Variants in CNTNAP2 observed in about 807,000 individuals in gnomAD.
The protein encoded by CNTNAP2 is contactin associated protein 2, also known as contactin-associated protein-like 2.
CNTNAP2 carries 98 observed loss-of-function variants against 155.2 expected under a neutral mutation model. The ratio of observed to expected loss-of-function variants is 0.63; its 90% CI spans 0.54 to 0.75. The LOEUF (loss-of-function observed/expected upper bound fraction) is 0.75. CNTNAP2 is among the 30% of genes least tolerant of loss of function. The pLI is 0.00. For synonymous variants in CNTNAP2, 651 were observed against 631.2 expected, an observed-to-expected ratio of 1.03 and a Z score of -0.47; for missense variants, 1,727 against 1,688.1, an observed-to-expected ratio of 1.02 and a Z score of -0.40.
intron 20 of CNTNAP2, among the ~76,000 whole-genome samples, chr7:148,256,384 A>G (rs945654274): frequency 1.3e-5 from 2 of 152,068 alleles, no homozygotes; most frequent in African/African-American, 4.8e-5. Flanking sequence ...CAACCTCCTC[A>G]CTTTACAAAT....
intron 18 of CNTNAP2, among the ~76,000 whole-genome samples, chr7:148,194,188 G>A (rs555056135): frequency 6.6e-6 from 1 of 151,140 alleles, no homozygotes; most frequent in South Asian, 2.1e-4. Flanking sequence ...TGTAGAGACG[G>A]GGTTTCACCA....
chr7:147,922,682 T>G (rs1027227521), intron 14 of CNTNAP2, among the ~76,000 whole-genome samples: 6 of 152,180 alleles, frequency 3.9e-5, no homozygotes, highest in Non-Finnish European at 8.8e-5. Context: ...CTCATAACGT[T>G]TCTTGTGGCT....
At chr7:147,548,021 G>C (rs1003389938) in intron 11 of CNTNAP2, among the ~76,000 whole-genome samples, 2 of 152,120 alleles carry the variant, frequency 1.3e-5, no homozygotes, top group Admixed American at 6.5e-5. Context: ...TGGGCATTTT[G>C]GTTGGTTCTA....
intron 1 of CNTNAP2, among the ~76,000 whole-genome samples, chr7:146,449,709 A>G (rs960548891): frequency 7.2e-5 from 11 of 152,166 alleles, no homozygotes; most frequent in Non-Finnish European, 1.3e-4. Context: ...ATGGCACCTT[A>G]GACAGAATTT....
intron 23 of CNTNAP2, among the ~76,000 whole-genome samples, chr7:148,412,626 G>A (rs35503305): frequency 4.8e-4 from 73 of 152,262 alleles, no homozygotes; most frequent in Non-Finnish European, 8.5e-4. Flanking sequence ...TGTCTACCTA[G>A]ACAAGCATTT....
chr7:147,288,316 TTG>T (rs761436166), intron 8 of CNTNAP2, among the ~76,000 whole-genome samples: 1 of 152,188 alleles, frequency 6.6e-6, no homozygotes, highest in Non-Finnish European at 1.5e-5. Flanking sequence ...GGCAGGGGCC[TTG>T]TGTGTCTTCT....
intron 10 of CNTNAP2, among the ~76,000 whole-genome samples, chr7:147,433,709 TGA>T (rs1172128130): frequency 2.0e-5 from 3 of 152,188 alleles, no homozygotes; most frequent in Non-Finnish European, 4.4e-5. Context: ...TACAAAAAAA[TGA>T]GTGCCTGTGG....
At chr7:147,937,820 A>C (rs1800640709) in intron 14 of CNTNAP2, among the ~76,000 whole-genome samples, 1 of 152,232 alleles carries the variant, frequency 6.6e-6, no homozygotes, top group South Asian at 2.1e-4. Context: ...TATTTCAGAA[A>C]TAATCATATA....
At chr7:147,528,875 T>C (rs1035918605) in intron 11 of CNTNAP2, among the ~76,000 whole-genome samples, 1 of 125,872 alleles carries the variant, frequency 7.9e-6, no homozygotes, top group Non-Finnish European at 1.9e-5. Flanking sequence ...TCTTTTGTGA[T>C]TTTTTAAAAT....
intron 12 of CNTNAP2, among the ~76,000 whole-genome samples, chr7:147,586,292 A>C (rs145024295): frequency 6.6e-6 from 1 of 151,826 alleles, no homozygotes; most frequent in East Asian, 1.9e-4. Context: ...CCATTCTATC[A>C]GTCTTAAGGT....
intron 12 of CNTNAP2, among the ~76,000 whole-genome samples, chr7:147,576,227 T>G (rs1416249246): frequency 6.6e-6 from 1 of 152,128 alleles, no homozygotes; most frequent in African/African-American, 2.4e-5. Context: ...GCACTACTAC[T>G]GCTGTGAATA....
At chr7:146,401,787 A>G (rs1795717882) in intron 1 of CNTNAP2, among the ~76,000 whole-genome samples, 1 of 152,184 alleles carries the variant, frequency 6.6e-6, no homozygotes, top group Admixed American at 6.5e-5. Context: ...AAAGCAATCT[A>G]GACAAAACAG....
At chr7:146,705,042 T>C (rs1800939688) in intron 1 of CNTNAP2, among the ~76,000 whole-genome samples, 2 of 152,172 alleles carry the variant, frequency 1.3e-5, no homozygotes, top group South Asian at 4.1e-4. Flanking sequence ...TAAAAGGATT[T>C]GACTACCTGT....
chr7:148,040,615 T>C (rs139938362), intron 15 of CNTNAP2, among the ~76,000 whole-genome samples: 3 of 152,262 alleles, frequency 2.0e-5, no homozygotes. Flanking sequence ...TAGGTATGCA[T>C]GCAGTGTGTG....
At chr7:147,562,097 GT>G (rs1584815025) in intron 11 of CNTNAP2, 40 bp from the exon 12 acceptor site, 1 of 1,613,084 alleles carries the variant, frequency 6.2e-7, no homozygotes, top group Non-Finnish European at 8.5e-7. Context: ...GGAGCCATTT[GT>G]TCTGTGCTGT....
At chr7:147,492,474 ACT>A (rs1798626788) in intron 11 of CNTNAP2, among the ~76,000 whole-genome samples, 1 of 152,068 alleles carries the variant, frequency 6.6e-6, no homozygotes, top group South Asian at 2.1e-4. Flanking sequence ...TTTATTTTAA[ACT>A]CTATAAAATT....
At chr7:147,352,087 C>G (rs922631914) in intron 9 of CNTNAP2, among the ~76,000 whole-genome samples, 1 of 151,884 alleles carries the variant, frequency 6.6e-6, no homozygotes, top group African/African-American at 2.4e-5. Flanking sequence ...CTACCTGTTG[C>G]TTTAGGTTAA....
At chr7:148,040,036 C>T (rs1383782393) in intron 15 of CNTNAP2, among the ~76,000 whole-genome samples, 1 of 152,278 alleles carries the variant, frequency 6.6e-6, no homozygotes, top group Non-Finnish European at 1.5e-5. Flanking sequence ...CAGAGCCAAC[C>T]TTATATAAAT....
At chr7:147,678,385 C>CT (rs1465065046) in intron 13 of CNTNAP2, among the ~76,000 whole-genome samples, 1 of 151,856 alleles carries the variant, frequency 6.6e-6, no homozygotes, top group Non-Finnish European at 1.5e-5. Flanking sequence ...CCTTCTAATG[C>CT]TTTTCTCTTT....
Sources: allele counts gnomAD v4.1 joint callset (sites outside exome capture counted in the v4.1 genomes callset), GRCh38; gene constraint gnomAD v4.1.1; transcripts MANE v1.5; gene names NCBI Gene and HGNC (gene_info 2026-07-23, HGNC 2026-07-21).